Variants in TYW5 observed in about 807,000 individuals in gnomAD.
The protein encoded by TYW5 is tRNA wybutosine-synthesizing protein 5.
In TYW5, 36 loss-of-function variants were observed where a neutral mutation model predicts 44.4. The ratio of observed to expected loss-of-function variants is 0.81; its 90% confidence interval spans 0.62 to 1.07. The LOEUF is 1.07. Among genes scored for constraint, TYW5 ranks in the 50% least tolerant of loss-of-function variants. The pLI is 0.00. For synonymous variants in TYW5, 121 were observed against 128.1 expected, an observed-to-expected ratio of 0.94 and a Z score of 0.37; for missense variants, 354 against 365.7, an observed-to-expected ratio of 0.97 and a Z score of 0.26.
chr2:199,943,455 T>C (rs777883900), intron 3 of TYW5: 16 of 211,150 alleles, frequency 7.6e-5, no homozygotes, highest in Non-Finnish European at 1.3e-4. Context: ...AATGCGTAAT[T>C]TCTATACATC....
intron 5 of TYW5, among the ~76,000 whole-genome samples, chr2:199,937,510 A>T (rs1171928642): frequency 1.3e-5 from 2 of 151,764 alleles, no homozygotes; most frequent in African/African-American, 2.4e-5. Context: ...TAAAAATAAA[A>T]AAAAAAAAAT....
At chr2:199,944,139 T>C (rs2077486815) in intron 2 of TYW5, 1 of 217,840 alleles carries the variant, frequency 4.6e-6, no homozygotes, top group South Asian at 1.2e-4. Context: ...CTATGGTATC[T>C]GATTACCTTT....
chr2:199,938,042 A>T (rs1450260457), intron 5 of TYW5, among the ~76,000 whole-genome samples: 3 of 152,118 alleles, frequency 2.0e-5, no homozygotes, highest in Non-Finnish European at 4.4e-5. Flanking sequence ...AAGCAAACAA[A>T]ATAACATCAT....
At chr2:199,940,861 G>A (rs949830513) in intron 3 of TYW5, among the ~76,000 whole-genome samples, 2 of 152,010 alleles carry the variant, frequency 1.3e-5, no homozygotes, top group Non-Finnish European at 2.9e-5. Flanking sequence ...TAAATGTACA[G>A]TAACAGATAA....
intron 7 of TYW5, 142 bp downstream of exon 7, chr2:199,935,789 G>A: frequency 1.6e-6 from 1 of 607,822 alleles, no homozygotes; most frequent in South Asian, 2.0e-5. Flanking sequence ...CACACACAGA[G>A]TTTTGTCTAA....
At chr2:199,934,570 G>A (rs1364425821) in intron 7 of TYW5, among the ~76,000 whole-genome samples, 2 of 152,036 alleles carry the variant, frequency 1.3e-5, no homozygotes, top group African/African-American at 2.4e-5. Flanking sequence ...CCCTTTTGGG[G>A]AAGACAAAGA....
Position 199,932,205 on chromosome 2 carries a change from A to G in TYW5, c.*862T>C, listed in dbSNP as rs2077383786. The G allele has an allele frequency of 6.6e-6, 1 of 152,178 alleles. No individual in the cohort carries two copies. Among genetic ancestry groups the G allele is most frequent in the Non-Finnish European group, 1.5e-5 (1 of 68,026 alleles). The allele number at this position is 152,178 out of a possible 1,614,324, so 9.4% of individuals were successfully genotyped here. ...TGCATCAGAACACCCTGTGAGGTCT[A>G]TTAAGTTCCTATACCAAATCCCAAA... On this transcript the variant is annotated 3_prime_UTR_variant, in exon 8 of 8. Coordinates refer to ENST00000354611, the MANE Select transcript of TYW5 (RefSeq NM_001039693.3).
intron 1 of TYW5, among the ~76,000 whole-genome samples, chr2:199,951,638 T>C (rs941983251): frequency 3.3e-5 from 5 of 152,224 alleles, no homozygotes; most frequent in African/African-American, 1.2e-4. Context: ...ATCAAAAACA[T>C]ATATTTCATT....
At position 199,943,830 on chromosome 2, in the gene TYW5, A is replaced by G. The variant is rs1182348973; in HGVS notation, c.238T>C (p.Leu80=). ...CTCTGGACCAACTGGTCAAAAGGTA[A>G]AGTTCTGAAATAAACACAAAGGAAT... ...FISKNFVYRT[L]PFDQLVQRAA... is the part of the protein sequence containing the mutation. The change falls in exon 3 of 8, where the codon TTA becomes CTA. Residue 80 remains leucine (L), a synonymous_variant. Coordinates refer to ENST00000354611, the MANE Select transcript of TYW5 (RefSeq NM_001039693.3). 1.9e-6 allele frequency: 3 copies of G among 1,605,826 alleles called. No homozygotes were observed. Among genetic ancestry groups the G allele is most frequent in the Non-Finnish European group, 2.5e-6 (3 of 1,177,958 alleles).
chr2:199,938,666 C>T (rs765825812), intron 5 of TYW5, among the ~76,000 whole-genome samples: 2 of 152,132 alleles, frequency 1.3e-5, no homozygotes, highest in African/African-American at 2.4e-5. Context: ...AAAAAAAAAT[C>T]ACTTCACAAA....
chr2:199,950,747 A>T (rs757999423), intron 1 of TYW5, among the ~76,000 whole-genome samples: 8 of 152,102 alleles, frequency 5.3e-5, no homozygotes. Context: ...GCCAGGAGAG[A>T]CTCTGGCCAC....
chr2:199,955,035 C>T (rs3811535), intron 1 of TYW5, among the ~76,000 whole-genome samples: 76,811 of 152,042 alleles, frequency 0.51, 19,724 homozygotes, highest in South Asian at 0.61. Flanking sequence ...CCGGGGGAAT[C>T]CCATTGCTTT....
intron 1 of TYW5, among the ~76,000 whole-genome samples, chr2:199,954,764 T>C (rs2077580673): frequency 6.6e-6 from 1 of 152,172 alleles, no homozygotes; most frequent in Admixed American, 6.5e-5. Flanking sequence ...TAAATGTAAA[T>C]ATCAGGTAAG....
intron 7 of TYW5, among the ~76,000 whole-genome samples, 162 bp downstream of exon 7, chr2:199,935,767 TAC>T (rs1559300817): frequency 5.8e-5 from 4 of 68,896 alleles, no homozygotes; most frequent in East Asian, 5.8e-4. Context: ...CACACACACA[TAC>T]ACACACACGC....
At chr2:199,948,975 T>C (rs920032952) in intron 1 of TYW5, among the ~76,000 whole-genome samples, 6 of 152,190 alleles carry the variant, frequency 3.9e-5, no homozygotes, top group African/African-American at 1.4e-4. Context: ...GCTGACACCA[T>C]GGTCCTTATC....
chr2:199,953,000 C>CT (rs564114053), intron 1 of TYW5, among the ~76,000 whole-genome samples: 65 of 152,250 alleles, frequency 4.3e-4, no homozygotes, highest in Non-Finnish European at 8.1e-4. Context: ...ATAGTATACC[C>CT]TAATATAAAC....
At chr2:199,940,583 C>A (rs180869802) in intron 3 of TYW5, among the ~76,000 whole-genome samples, 49 of 150,762 alleles carry the variant, frequency 3.3e-4, no homozygotes, top group Non-Finnish European at 1.2e-4. Flanking sequence ...TACACTCCAG[C>A]TTGGGTGACA....
At chr2:199,942,356 C>G (rs2077472326) in intron 3 of TYW5, 1 of 152,390 alleles carries the variant, frequency 6.6e-6, no homozygotes, top group Admixed American at 6.5e-5. Flanking sequence ...CGTGAGCTAC[C>G]GCGCCCGGCC....
At chr2:199,953,220 G>A (rs1440120983) in intron 1 of TYW5, among the ~76,000 whole-genome samples, 1 of 152,114 alleles carries the variant, frequency 6.6e-6, no homozygotes, top group Non-Finnish European at 1.5e-5. Flanking sequence ...CTACTCAGGA[G>A]GCTGAGGCAG....
Sources: gnomAD v4.1 joint callset for allele counts (sites outside exome capture counted in the v4.1 genomes callset) on GRCh38, gnomAD v4.1.1 for gene constraint, MANE v1.5 for transcripts, NCBI Gene and HGNC (gene_info 2026-07-23, HGNC 2026-07-21) for gene names.